The following NAALADL2 variants were observed in gnomAD, a reference collection of about 807,000 sequenced individuals.
NAALADL2 encodes N-acetylated alpha-linked acidic dipeptidase like 2.
A neutral mutation model predicts 87.2 loss-of-function variants in NAALADL2; 76 were observed. That is an observed-to-expected ratio of 0.87 (90% CI 0.72 to 1.05). NAALADL2 has a LOEUF of 1.05. Ranked by LOEUF, NAALADL2 falls within the 50% of genes least tolerant of loss-of-function variation. NAALADL2 has a pLI of 0.00. For missense variants in NAALADL2, 1,089 were observed against 945.8 expected (o/e 1.15, Z -1.99); for synonymous variants, 354 against 331.0 (o/e 1.07, Z -0.75).
chr3:175,229,691 G>T (rs1443898905), intron 2 of NAALADL2, among the ~76,000 whole-genome samples: 1 of 151,758 alleles, frequency 6.6e-6, no homozygotes, highest in East Asian at 1.9e-4. Flanking sequence ...CACCTTGGGG[G>T]TTAGGATTTC....
chr3:175,250,253 C>CTGTGTGTGTGTGTG (rs147841608), intron 3 of NAALADL2, among the ~76,000 whole-genome samples: 15 of 146,084 alleles, frequency 1.0e-4, no homozygotes, highest in African/African-American at 2.8e-4. Context: ...CTCACTTTTT[C>CTGTGTGTGTGTGTG]TGTGTGTGTG....
chr3:175,622,606 T>TA (rs753326103), intron 10 of NAALADL2, among the ~76,000 whole-genome samples: 17 of 152,108 alleles, frequency 1.1e-4, no homozygotes, highest in African/African-American at 1.7e-4. Context: ...TTCTGCCACT[T>TA]ACTAGCAGAA....
chr3:175,076,537 G>T (rs992270829), intron 1 of NAALADL2, among the ~76,000 whole-genome samples: 1 of 152,068 alleles, frequency 6.6e-6, no homozygotes, highest in Admixed American at 6.6e-5. Context: ...ACTATCAACA[G>T]TGGGACTGGG....
intron 3 of NAALADL2, among the ~76,000 whole-genome samples, chr3:174,770,542 AG>A (rs761831786): frequency 3.9e-5 from 6 of 152,214 alleles, no homozygotes; most frequent in Non-Finnish European, 8.8e-5. Context: ...GGAATACATA[AG>A]TTCTATTGAG....
intron 4 of NAALADL2, among the ~76,000 whole-genome samples, chr3:175,303,760 A>G (rs1280490086): frequency 6.6e-6 from 1 of 152,226 alleles, no homozygotes; most frequent in Non-Finnish European, 1.5e-5. Context: ...CAGGTTAGAA[A>G]TAAATATTAC....
intron 2 of NAALADL2, among the ~76,000 whole-genome samples, chr3:174,705,509 G>A (rs1273748734): frequency 6.6e-6 from 1 of 152,192 alleles, no homozygotes; most frequent in South Asian, 2.1e-4. Context: ...TCTGGGCCGG[G>A]CGCGATGGCT....
chr3:174,727,472 C>A (rs1732310715), intron 2 of NAALADL2, among the ~76,000 whole-genome samples: 1 of 151,810 alleles, frequency 6.6e-6, no homozygotes, highest in Admixed American at 6.6e-5. Flanking sequence ...ATCTAGTGGC[C>A]AAAAGCTCAA....
intron 2 of NAALADL2, among the ~76,000 whole-genome samples, chr3:175,157,071 C>G (rs903973174): frequency 2.4e-4 from 37 of 151,740 alleles, no homozygotes; most frequent in South Asian, 2.1e-4. Context: ...TTCTTTCAGT[C>G]TTTTAGAAAG....
chr3:175,282,400 A>C (rs1262430153), intron 4 of NAALADL2, among the ~76,000 whole-genome samples: 2 of 152,102 alleles, frequency 1.3e-5, no homozygotes, highest in Admixed American at 6.6e-5. Flanking sequence ...GTATCACTGG[A>C]AAATCCTGTG....
intron 4 of NAALADL2, among the ~76,000 whole-genome samples, chr3:175,315,506 A>T (rs1759024585): frequency 6.6e-6 from 1 of 152,156 alleles, no homozygotes; most frequent in African/African-American, 2.4e-5. Context: ...CTCTCCTGGG[A>T]ATAAAACACT....
intron 13 of NAALADL2, among the ~76,000 whole-genome samples, chr3:175,791,923 AC>A (rs1226019522): frequency 3.2e-4 from 49 of 151,542 alleles, no homozygotes; most frequent in Admixed American, 2.8e-3. Context: ...AAAAAAAAAA[AC>A]AACCCTGATA....
At chr3:175,604,959 A>G (rs1288182239) in intron 10 of NAALADL2, among the ~76,000 whole-genome samples, 1 of 152,176 alleles carries the variant, frequency 6.6e-6, no homozygotes, top group Admixed American at 6.5e-5. Context: ...ATAACTCTGG[A>G]TAATCCATGG....
At chr3:174,544,353 A>G (rs75722544) in intron 1 of NAALADL2, among the ~76,000 whole-genome samples, 1,952 of 152,180 alleles carry the variant, frequency 0.013, 22 homozygotes, top group Middle Eastern at 0.02. Flanking sequence ...ATTTATAACT[A>G]TGTGAATATT....
chr3:175,784,402 A>T (rs1379239897), intron 13 of NAALADL2, among the ~76,000 whole-genome samples: 48 of 149,416 alleles, frequency 3.2e-4, no homozygotes, highest in African/African-American at 1.1e-3. Context: ...GTCTATTCAG[A>T]GATTCAACTT....
intron 2 of NAALADL2, among the ~76,000 whole-genome samples, chr3:174,563,154 AT>A (rs1199600967): frequency 1.3e-5 from 2 of 151,814 alleles, no homozygotes; most frequent in East Asian, 1.9e-4. Context: ...TAAAATTAAG[AT>A]TTTTTTCTTT....
intron 11 of NAALADL2, among the ~76,000 whole-genome samples, chr3:175,657,618 T>G (rs1369078604): frequency 6.6e-6 from 1 of 151,344 alleles, no homozygotes; most frequent in Non-Finnish European, 1.5e-5. Flanking sequence ...TCTTGCTCTG[T>G]CCCCCAGGCT....
chr3:175,011,573 T>C (rs1289862932), intron 1 of NAALADL2, among the ~76,000 whole-genome samples: 1 of 152,198 alleles, frequency 6.6e-6, no homozygotes, highest in African/African-American at 2.4e-5. Flanking sequence ...TCTGAAGCCT[T>C]ATTCCATTCT....
intron 10 of NAALADL2, among the ~76,000 whole-genome samples, chr3:175,591,759 G>A (rs1721481319): frequency 7.0e-6 from 1 of 143,020 alleles, no homozygotes; most frequent in African/African-American, 2.6e-5. Context: ...ATTTATATAT[G>A]CGCATGTGGT....
At chr3:174,647,487 G>T (rs1469652232) in intron 2 of NAALADL2, among the ~76,000 whole-genome samples, 2 of 152,152 alleles carry the variant, frequency 1.3e-5, no homozygotes, top group African/African-American at 4.8e-5. Context: ...GCATAGGGTG[G>T]CCAGACTTGA....
Sources: gnomAD v4.1 joint callset for allele counts (sites outside exome capture counted in the v4.1 genomes callset) on GRCh38, gnomAD v4.1.1 for gene constraint, MANE v1.5 for transcripts, NCBI Gene and HGNC (gene_info 2026-07-23, HGNC 2026-07-21) for gene names.